LHX4: variants seen among roughly 807,000 people sequenced by gnomAD.
LHX4 encodes the protein LIM/homeobox protein Lhx4.
LHX4 carries 16 observed loss-of-function variants against 39.2 expected under a neutral mutation model. That is an observed-to-expected ratio of 0.41 (90% CI 0.28 to 0.62). LHX4 has a LOEUF of 0.62. Ranked by LOEUF, LHX4 falls within the 20% of genes least tolerant of loss-of-function variation. LHX4 has a pLI of 0.33. For missense variants in LHX4, 439 were observed against 511.9 expected (o/e 0.86, Z 1.37); for synonymous variants, 206 against 198.1 (o/e 1.04, Z -0.33).
At chr1:180,251,062 A>G (rs1398840356) in intron 2 of LHX4, among the ~76,000 whole-genome samples, 2 of 151,976 alleles carry the variant, frequency 1.3e-5, no homozygotes, top group East Asian at 3.9e-4. Flanking sequence ...GTAGTCTGCA[A>G]CCCTTCCCAC....
At position 180,234,832 on chromosome 1, in the gene LHX4, A is replaced by G. The variant is rs1385512256; in HGVS notation, c.76+4227A>G. 2.0e-5 allele frequency among the ~76,000 whole-genome samples: 3 copies of G among 152,222 alleles called. No individual in the cohort carries two copies. The highest frequency in any genetic ancestry group is 7.2e-5 in the African/African-American group (3 of 41,470). On this transcript the variant is annotated intron_variant, in intron 1 of 5. Coordinates refer to ENST00000263726, the MANE Select transcript of LHX4 (RefSeq NM_033343.4). The surrounding 1 kb of genome is among the most constrained non-coding windows in gnomAD (Gnocchi z 4.8). ...TAGGCGGGGCTACGCAGGGCTGAGC[A>G]GGAGTGGCGTCCTAGGGTCTGGGAG...
chr1:180,258,590 A>G (rs930954920), intron 2 of LHX4, among the ~76,000 whole-genome samples: 6 of 152,206 alleles, frequency 3.9e-5, no homozygotes, highest in African/African-American at 1.4e-4. Flanking sequence ...GGCTGATGGC[A>G]GCCCAAGCTA....
chr1:180,273,812 ATGT>A (rs1648837584), intron 5 of LHX4: 1 of 275,540 alleles, frequency 3.6e-6, no homozygotes, highest in East Asian at 9.6e-5. Flanking sequence ...TTCAGGGTAA[ATGT>A]TGTCAGCATG....
At chr1:180,241,409 G>A (rs2149254259) in intron 1 of LHX4, among the ~76,000 whole-genome samples, 1 of 152,284 alleles carries the variant, frequency 6.6e-6, no homozygotes, top group Non-Finnish European at 1.5e-5. Context: ...GAAGCATGAA[G>A]TAATTTTGAT....
chr1:180,250,414 G>A (rs1647576976), intron 2 of LHX4, among the ~76,000 whole-genome samples: 1 of 152,194 alleles, frequency 6.6e-6, no homozygotes, highest in African/African-American at 2.4e-5. Flanking sequence ...GAAGAGGGCA[G>A]GAAGCGGCAG....
At chr1:180,242,900 A>G (rs1389260480) in intron 1 of LHX4, among the ~76,000 whole-genome samples, 2 of 152,210 alleles carry the variant, frequency 1.3e-5, no homozygotes, top group Non-Finnish European at 2.9e-5. Flanking sequence ...TGCAGTTTTA[A>G]TGTGGAATTT....
intron 3 of LHX4, among the ~76,000 whole-genome samples, chr1:180,267,829 A>G (rs1648389783): frequency 6.6e-6 from 1 of 152,246 alleles, no homozygotes; most frequent in Non-Finnish European, 1.5e-5. Flanking sequence ...CATTGAACAC[A>G]GTATAAAATA....
intron 2 of LHX4, among the ~76,000 whole-genome samples, chr1:180,252,095 AC>A (rs1264853758): frequency 6.6e-6 from 1 of 152,072 alleles, no homozygotes; most frequent in Admixed American, 6.5e-5. Flanking sequence ...GAGTGGTCCC[AC>A]CTCCCATCCC....
At position 180,245,868 on chromosome 1, in the gene LHX4, C is replaced by T. The variant is rs140315324; in HGVS notation, c.77-2417C>T. The stretch of plus-strand genomic sequence containing the variant: ...AGCTCCAGAATCCACATTCCCACCC[C>T]GTGTCCTGCCCATGCCCTCACTGGG... On this transcript the variant is annotated intron_variant, in intron 1 of 5. Coordinates refer to ENST00000263726, the MANE Select transcript of LHX4 (RefSeq NM_033343.4). Among the ~76,000 whole-genome samples the T allele has an allele frequency of 2.7e-4, 41 of 152,290 alleles. No homozygotes were observed. In the East Asian group the frequency reaches 6.9e-3, roughly 26 times the overall value.
intron 3 of LHX4, among the ~76,000 whole-genome samples, chr1:180,269,069 G>A (rs1027474722): frequency 6.6e-6 from 1 of 152,110 alleles, no homozygotes; most frequent in East Asian, 1.9e-4. Context: ...ACAAGTTCTA[G>A]GAGACCCTGC....
chr1:180,236,737 T>A (rs1042788058), intron 1 of LHX4, among the ~76,000 whole-genome samples: 10 of 151,872 alleles, frequency 6.6e-5, no homozygotes, highest in African/African-American at 2.4e-4. Flanking sequence ...ATTAAGGAAA[T>A]TTTTCAGGAA....
chr1:180,248,350 A>C lies in LHX4; in HGVS notation c.142A>C (p.Arg48=). 1 of 1,614,238 alleles carries C rather than the reference A, an allele frequency of 6.2e-7. No homozygotes were observed. Among genetic ancestry groups the C allele is most frequent in the Non-Finnish European group, 8.5e-7 (1 of 1,180,040 alleles). The change falls in exon 2 of 6, where the codon AGA becomes CGA. Residue 48 remains arginine (R), a synonymous_variant. Coordinates refer to ENST00000263726, the MANE Select transcript of LHX4 (RefSeq NM_033343.4). ...CAAGTTCATCCTGAAGGTCCTGGAC[A>C]GACACTGGCACAGCTCCTGCCTCAA... The part of the protein sequence containing the change: ...LDKFILKVLD[R]HWHSSCLKCA...
chr1:180,229,964 A>AGGCGGGGGG (rs1553278096), upstream of LHX4, among the ~76,000 whole-genome samples: 5 of 73,486 alleles, frequency 6.8e-5, no homozygotes, highest in Admixed American at 3.1e-4. Context: ...GGAGGCGGGG[A>AGGCGGGGGG]GGGGGGGGGG....
Position 180,234,906 on chromosome 1 carries a change from G to A in LHX4, c.76+4301G>A, listed in dbSNP as rs187686903. ...GACCGGGGCAGGGCTCCTCCGCCCC[G>A]CGGGCAGATGCCGGCCTGGGTGGCC... On this transcript the variant is annotated intron_variant, in intron 1 of 5. Transcript: ENST00000263726. This position sits in a 1 kb window ranked among gnomAD's most constrained non-coding sequence, Gnocchi z 4.8. 2.6e-5 allele frequency among the ~76,000 whole-genome samples: 4 copies of A among 152,334 alleles called. No individual in the cohort carries two copies. The highest frequency in any genetic ancestry group is 6.5e-5 in the Admixed American group (1 of 15,312).
upstream of LHX4, chr1:180,230,255 A>G (rs891059309): frequency 4.0e-6 from 2 of 496,132 alleles, no homozygotes; most frequent in Non-Finnish European, 3.6e-6. The surrounding 1 kb of genome is among the most constrained non-coding windows in gnomAD (Gnocchi z 5.8). Flanking sequence ...AGGGAAGAGG[A>G]AAAAAGCCAG....
At position 180,274,779 on chromosome 1, in the gene LHX4, C is replaced by T. The variant is rs533562704; in HGVS notation, c.*200C>T. 2.7e-5 allele frequency: 17 copies of T among 622,680 alleles called. No individual in the cohort carries two copies. In the South Asian group the frequency reaches 3.5e-4, roughly 13 times the overall value. 38.6% of individuals were successfully genotyped at this position (622,680 alleles called of 1,614,324 possible). The stretch of plus-strand genomic sequence containing the variant: ...CCTGGGGAAGCAGTGGGAGAGCAGA[C>T]TCATCTCAGAACACAGCACAGGGGG... On this transcript the variant is annotated 3_prime_UTR_variant, in exon 6 of 6. Transcript: ENST00000263726.
chr1:180,265,190 T>C (rs1336205894), intron 2 of LHX4, among the ~76,000 whole-genome samples: 3 of 152,212 alleles, frequency 2.0e-5, no homozygotes, highest in African/African-American at 7.2e-5. Context: ...AAGCATTAGT[T>C]AAAAGGACCA....
rs1272667331 is a variant in LHX4 at position 180,271,926 on chromosome 1, G to C, written c.698G>C (p.Arg233Thr). ...GGGCAGTTCTATAAGAGCGTCAAGA[G>C]GAGCCGGGGCAGCAGCAAGCAGGAG... Reference protein sequence around the residue: ...RWGQFYKSVKRSRGSSKQEKE... With the variant: ...RWGQFYKSVKTSRGSSKQEKE... The change falls in exon 5 of 6, where the codon AGG (arginine) becomes ACG (threonine). Residue 233 changes from arginine to threonine, a missense_variant. Physicochemically the swap from Arg to Thr is moderately conservative, Grantham distance 71 (BLOSUM62 -1). Coordinates refer to ENST00000263726, the MANE Select transcript of LHX4 (RefSeq NM_033343.4). 2 of 1,613,504 alleles carry C rather than the reference G, an allele frequency of 1.2e-6. No individual in the cohort carries two copies. The highest frequency in any genetic ancestry group is 2.2e-5 in the East Asian group (1 of 44,774).
chr1:180,255,000 C>A (rs1018107963), intron 2 of LHX4, among the ~76,000 whole-genome samples: 6 of 152,188 alleles, frequency 3.9e-5, no homozygotes, highest in Non-Finnish European at 2.9e-5. Flanking sequence ...GGGGATTGAA[C>A]AAAGGCCCAC....
Sources: allele counts gnomAD v4.1 joint callset (sites outside exome capture counted in the v4.1 genomes callset), GRCh38; gene constraint gnomAD v4.1.1; non-coding constraint Gnocchi (gnomAD v3.1); transcripts MANE v1.5; gene names NCBI Gene and HGNC (gene_info 2026-07-23, HGNC 2026-07-21).